RNF170: variants seen among roughly 807,000 people sequenced by gnomAD.
The protein encoded by RNF170 is ring finger protein 170, also known as E3 ubiquitin-protein ligase RNF170.
RNF170 carries 12 observed loss-of-function variants against 32.7 expected under a neutral mutation model. The observed-to-expected ratio is 0.37, with a 90% CI of 0.24 to 0.60. The LOEUF (loss-of-function observed/expected upper bound fraction) is 0.60. RNF170 is among the 20% of genes least tolerant of loss of function. The pLI, the probability that RNF170 is intolerant of heterozygous loss-of-function variation, is 0.72. For missense variants in RNF170, 212 were observed against 311.2 expected (o/e 0.68, Z 2.40); for synonymous variants, 91 against 103.6 (o/e 0.88, Z 0.74).
At chr8:42,875,095 C>G (rs1428835365) in intron 2 of RNF170, among the ~76,000 whole-genome samples, 1 of 151,788 alleles carries the variant, frequency 6.6e-6, no homozygotes, top group Non-Finnish European at 1.5e-5. Context: ...CGCTTAAACC[C>G]CGGAGGTGGA....
intron 5 of RNF170, among the ~76,000 whole-genome samples, 162 bp downstream of exon 5, chr8:42,865,254 A>T (rs573641206): frequency 1.9e-4 from 28 of 149,256 alleles, no homozygotes; most frequent in East Asian, 9.7e-4. Context: ...AAAATAAAAA[A>T]AAATAAAAAT....
At chr8:42,861,656 G>GC in intron 6 of RNF170, 89 bp downstream of exon 6, 1 of 1,103,130 alleles carries the variant, frequency 9.1e-7, no homozygotes. Flanking sequence ...ATTTCTCATA[G>GC]TCAAAGAATA....
chr8:42,882,649 T>G (rs961495358), intron 2 of RNF170, among the ~76,000 whole-genome samples: 8 of 152,238 alleles, frequency 5.3e-5, no homozygotes, highest in African/African-American at 1.4e-4. Context: ...TTCTACTTTA[T>G]GAGGTGCATA....
intron 1 of RNF170, among the ~76,000 whole-genome samples, chr8:42,888,989 T>C (rs1806074248): frequency 6.6e-6 from 1 of 152,228 alleles, no homozygotes; most frequent in African/African-American, 2.4e-5. Flanking sequence ...GCATATGCCT[T>C]GTACACAATA....
chr8:42,871,158 C>A (rs528483762), intron 3 of RNF170, among the ~76,000 whole-genome samples: 1 of 151,314 alleles, frequency 6.6e-6, no homozygotes, highest in Admixed American at 6.6e-5. Flanking sequence ...TGCAATGAGC[C>A]GAGATCACAC....
At chr8:42,890,220 T>C (rs931056748) in intron 1 of RNF170, among the ~76,000 whole-genome samples, 3 of 149,734 alleles carry the variant, frequency 2.0e-5, no homozygotes, top group Admixed American at 1.3e-4. Flanking sequence ...ATATATAATA[T>C]ATATTATATA....
Position 42,870,008 on chromosome 8 carries a change from A to G in RNF170, c.318T>C (p.Phe106=). ...AGTATAGCGTTGTTTGCTTACCACAAAAAAGATGTCCACAGTTGGTCTCCA... is the reference window on the plus strand; with the variant it reads ...AGTATAGCGTTGTTTGCTTACCACAGAAAAGATGTCCACAGTTGGTCTCCA... ...FPVETNCGHL[F]CGACIIAYWR... is the part of the protein sequence containing the mutation. Residue 106 remains phenylalanine (F), a synonymous_variant, in exon 4 of 7, where the codon TTT becomes TTC. Transcript: ENST00000527424. 1.2e-6 allele frequency: 2 copies of G among 1,612,080 alleles called. No individual in the cohort carries two copies. Among genetic ancestry groups the G allele is most frequent in the African/African-American group, 1.3e-5 (1 of 74,974 alleles).
intron 1 of RNF170, among the ~76,000 whole-genome samples, chr8:42,892,181 A>C (rs1806357032): frequency 6.6e-6 from 1 of 152,134 alleles, no homozygotes; most frequent in Non-Finnish European, 1.5e-5. Context: ...AATGTTTATA[A>C]ATTTTTAAAA....
intron 5 of RNF170, among the ~76,000 whole-genome samples, chr8:42,864,635 G>A (rs960898524): frequency 6.6e-6 from 1 of 151,928 alleles, no homozygotes; most frequent in African/African-American, 2.4e-5. Context: ...TCCTCAGGTG[G>A]CTTCGATGCT....
chr8:42,864,586 A>T (rs1803942076), intron 5 of RNF170, among the ~76,000 whole-genome samples: 1 of 152,112 alleles, frequency 6.6e-6, no homozygotes, highest in South Asian at 2.1e-4. Flanking sequence ...ATCTGCAGTG[A>T]CATTTCAGTC....
In RNF170 at chr8:42,854,106, G is replaced by A; in HGVS notation, c.*2053C>T. On this transcript the variant is annotated 3_prime_UTR_variant, in exon 7 of 7. Coordinates refer to ENST00000527424, the MANE Select transcript of RNF170 (RefSeq NM_030954.4). ...TCAAGTTGGTGACTGCAGCTGAAAT[G>A]TTTTTCTGTGATGTATGCCACCCTT... is the stretch of plus-strand genomic sequence containing the variant. The A allele has an allele frequency of 1.6e-6, 2 of 1,287,204 alleles. No homozygotes were observed. The highest frequency in any genetic ancestry group is 5.5e-5 in the East Asian group (1 of 18,022). The allele number at this position is 1,287,204 out of a possible 1,614,324, so 79.7% of individuals were successfully genotyped here.
downstream of RNF170, chr8:42,851,135 C>T (rs1802929914): frequency 7.7e-7 from 1 of 1,291,082 alleles, no homozygotes. Context: ...TGGGCTCTAC[C>T]ACCACAGCCC....
At chr8:42,892,538 G>T (rs1348130991) in intron 1 of RNF170, among the ~76,000 whole-genome samples, 1 of 152,120 alleles carries the variant, frequency 6.6e-6, no homozygotes, top group African/African-American at 2.4e-5. Context: ...AGAATATGTA[G>T]ATACTGTGCT....
At position 42,884,824 on chromosome 8, in the gene RNF170, C is replaced by T. The variant is rs951362357; in HGVS notation, c.137+2904G>A. Among the ~76,000 whole-genome samples, 10 of 62,884 alleles carry T rather than the reference C, an allele frequency of 1.6e-4. No homozygotes were observed. The South Asian group carries it at 1.7e-3, about 10-fold the overall frequency. The allele number at this position is 62,884 out of a possible 152,430, so 41.3% of individuals were successfully genotyped here. On this transcript the variant is annotated intron_variant, in intron 2 of 6. Transcript: ENST00000527424. ...TCAAGCGATTCTCCTGCCTCAGCCT[C>T]CTGGGTAGGTGGGATTACAGGCACC...
At chr8:42,890,260 CTTTT>C (rs772860155) in intron 1 of RNF170, among the ~76,000 whole-genome samples, 2 of 140,400 alleles carry the variant, frequency 1.4e-5, no homozygotes, top group Non-Finnish European at 3.1e-5. Flanking sequence ...TGATTATATT[CTTTT>C]TTTTTTTTGA....
chr8:42,869,005 G>A (rs1804326152), intron 4 of RNF170, among the ~76,000 whole-genome samples: 1 of 152,092 alleles, frequency 6.6e-6, no homozygotes, highest in Non-Finnish European at 1.5e-5. Flanking sequence ...CAAGCTCCTG[G>A]GCTCAAGCGA....
intron 6 of RNF170, among the ~76,000 whole-genome samples, chr8:42,857,071 A>G (rs1245798439): frequency 6.6e-6 from 1 of 152,258 alleles, no homozygotes; most frequent in African/African-American, 2.4e-5. Context: ...TAAGAATAGC[A>G]GTGAAACTGA....
chr8:42,868,333 G>A (rs1377103526), intron 4 of RNF170, among the ~76,000 whole-genome samples: 1 of 152,064 alleles, frequency 6.6e-6, no homozygotes, highest in African/African-American at 2.4e-5. Flanking sequence ...ACAATTTACA[G>A]GACGATTATA....
intron 5 of RNF170, among the ~76,000 whole-genome samples, chr8:42,862,916 C>T (rs758314320): frequency 6.6e-6 from 1 of 152,214 alleles, no homozygotes; most frequent in Non-Finnish European, 1.5e-5. Flanking sequence ...GACAGCCTTA[C>T]ATGGTCCTGG....
Sources: allele counts gnomAD v4.1 joint callset (sites outside exome capture counted in the v4.1 genomes callset), GRCh38; gene constraint gnomAD v4.1.1; transcripts MANE v1.5; gene names NCBI Gene and HGNC (gene_info 2026-07-23, HGNC 2026-07-21).